Variants in GP2 observed in about 807,000 individuals in gnomAD.
The protein encoded by GP2 is glycoprotein 2.
A neutral mutation model predicts 60.8 loss-of-function variants in GP2; 58 were observed. The observed-to-expected ratio is 0.95, with a 90% CI of 0.77 to 1.19. The LOEUF (loss-of-function observed/expected upper bound fraction) is 1.19, where lower values mean the gene tolerates loss of function less well. Among genes scored for constraint, GP2 ranks in the 50% most tolerant of loss-of-function variants. GP2 has a pLI of 0.00. For synonymous variants in GP2, 280 were observed against 253.4 expected, an observed-to-expected ratio of 1.10 and a Z score of -1.00; for missense variants, 647 against 667.4, an observed-to-expected ratio of 0.97 and a Z score of 0.34.
intron 1 of GP2, chr16:20,327,216 G>T (rs1331105269): frequency 3.7e-5 from 12 of 324,248 alleles, no homozygotes; most frequent in South Asian, 3.3e-4. Context: ...TCCCAATAGA[G>T]ACCTAGTTCC....
rs1963957760 is a variant in GP2, at chr16:20,310,165, G to C, written c.*1058C>G. On this transcript the variant is annotated 3_prime_UTR_variant, in exon 11 of 11. Transcript: ENST00000302555. ...CTTCACCCATCTCCTAGGCTTTGCA[G>C]TTTCATTCCCATAGCAGGACTGGTG... The C allele has an allele frequency of 6.6e-6, 1 of 152,286 alleles. No homozygotes were observed. The highest frequency in any genetic ancestry group is 2.1e-4 in the South Asian group (1 of 4,828). The allele number at this position is 152,286 out of a possible 1,614,324, so 9.4% of individuals were successfully genotyped here. A position where few individuals can be genotyped will look rare whatever the true frequency, so the allele number is the denominator to read the frequency against.
At chr16:20,319,796 ATGTT>A in intron 5 of GP2, 28 bp from the exon 6 acceptor site, 1 of 1,587,604 alleles carries the variant, frequency 6.3e-7, no homozygotes, top group Non-Finnish European at 8.6e-7. Context: ...AACCATACAG[ATGTT>A]TATGTGTATG....
Position 20,318,198 on chromosome 16 carries a change from T to C in GP2, c.1240A>G (p.Ile414Val). Residue 414 changes from isoleucine to valine, a missense_variant, in exon 7 of 11, where the codon ATC becomes GTC. By Grantham distance (29) the Ile-to-Val change is conservative. Coordinates refer to ENST00000302555, the MANE Select transcript of GP2 (RefSeq NM_001502.4). ...ATTGCTCGTTACCTGTTTCTGATGA[T>C]GAAATACTTCACAAGGTCAGCCTTG... The part of the protein sequence containing the change: ...EDKADLVKYF[I>V]IRNSCSNQRD... The C allele has an allele frequency of 1.2e-6, 2 of 1,613,424 alleles. No individual in the cohort carries two copies. Among genetic ancestry groups the C allele is most frequent in the Non-Finnish European group, 1.7e-6 (2 of 1,179,332 alleles).
intron 4 of GP2, 41 bp downstream of exon 4, chr16:20,322,828 C>A: frequency 1.8e-6 from 2 of 1,084,772 alleles, no homozygotes; most frequent in Admixed American, 1.7e-5. Flanking sequence ...TCCTGCCCTG[C>A]CCCCTCAGGA....
At chr16:20,323,754 A>G (rs1172951292) in intron 3 of GP2, 62 bp downstream of exon 3, 5 of 1,104,944 alleles carry the variant, frequency 4.5e-6, no homozygotes, top group Non-Finnish European at 6.6e-6. Context: ...CACTCACTCT[A>G]CTGAGCCTGG....
chr16:20,324,207 G>T lies in GP2; in HGVS notation c.144C>A (p.Cys48Ter), dbSNP rs781697125. The change falls in exon 3 of 11, where the codon TGC becomes TGA. Residue 48 changes from cysteine to a stop codon, truncating the protein, a stop_gained. Coordinates refer to ENST00000302555, the MANE Select transcript of GP2 (RefSeq NM_001502.4). LOFTEE classifies it high-confidence loss of function. ...GAGCCTCTGGGGTGCCAGGAGCTCC[G>T]CAGTCCAGGTCCAGCCCATACGAAC... is the stretch of plus-strand genomic sequence containing the variant. ...EASSYGLDLD[C>*]GAPGTPEAHV... The T allele has an allele frequency of 1.2e-6, 2 of 1,613,402 alleles. No homozygotes were observed. The highest frequency in any genetic ancestry group is 1.7e-5 in the Admixed American group (1 of 60,004).
Position 20,316,035 on chromosome 16 carries a change from G to T in GP2, c.1422C>A (p.Cys474Ter). ...CTTCACTGCGGACTTGACTTCTTGA[G>T]CAAGACTGTAGGGATGATGAACTTT... is the stretch of plus-strand genomic sequence containing the variant. ...DSLNEQCQPS[C>*]SRSQVRSEVP... The change falls in exon 9 of 11, where the codon TGC (cysteine) becomes TGA (stop). Residue 474 changes from cysteine (C) to a stop codon, truncating the protein, a stop_gained. Coordinates refer to ENST00000302555, the MANE Select transcript of GP2 (RefSeq NM_001502.4). LOFTEE classifies it high-confidence loss of function. The T allele has an allele frequency of 6.2e-7, 1 of 1,605,268 alleles. No homozygotes were observed. Among genetic ancestry groups the T allele is most frequent in the Non-Finnish European group, 8.5e-7 (1 of 1,171,970 alleles).
chr16:20,313,261 GTC>G (rs60247069), intron 10 of GP2, among the ~76,000 whole-genome samples: 30 of 149,550 alleles, frequency 2.0e-4, no homozygotes, highest in South Asian at 8.5e-4. Context: ...CTGTCTCTCT[GTC>G]TCTCTCTCTC....
chr16:20,313,445 C>T (rs576757123), intron 10 of GP2, among the ~76,000 whole-genome samples: 33 of 152,116 alleles, frequency 2.2e-4, no homozygotes, highest in Non-Finnish European at 4.4e-4. Flanking sequence ...TATCTACTTG[C>T]TTGTCATTTA....
intron 5 of GP2, 123 bp downstream of exon 5, chr16:20,320,139 C>T (rs1964308448): frequency 1.4e-6 from 1 of 709,784 alleles, no homozygotes; most frequent in Non-Finnish European, 2.5e-6. Context: ...AACTTGTGCA[C>T]TCTCACACAA....
At chr16:20,324,304 C>T in intron 2 of GP2, 48 bp from the exon 3 acceptor site, 1 of 1,293,504 alleles carries the variant, frequency 7.7e-7, no homozygotes, top group Non-Finnish European at 1.1e-6. Flanking sequence ...AATGCCAGAA[C>T]CTACAGGATT....
chr16:20,314,666 T>C lies in GP2; in HGVS notation c.1537A>G (p.Ser513Gly). The C allele has an allele frequency of 6.2e-7, 1 of 1,600,992 alleles. No individual in the cohort carries two copies. Among genetic ancestry groups the C allele is most frequent in the Non-Finnish European group, 8.6e-7 (1 of 1,168,034 alleles). Residue 513 changes from serine to glycine, a missense_variant, in exon 10 of 11, where the codon AGC becomes GGC. Ser to Gly is a moderately conservative substitution (Grantham distance 56). Transcript: ENST00000302555. ...TGAGAAAATGATGTACCTGCAGTGCTAGGGGTTCCATTCATGACACCGGGA... is the reference window on the plus strand; with the variant it reads ...TGAGAAAATGATGTACCTGCAGTGCCAGGGGTTCCATTCATGACACCGGGA... ...QSPGVMNGTP[S>G]TAGFLVAWPM...
In GP2 at chr16:20,311,045, C is replaced by T; in HGVS notation, c.*178G>A. On this transcript the variant is annotated 3_prime_UTR_variant, in exon 11 of 11. Coordinates refer to ENST00000302555, the MANE Select transcript of GP2 (RefSeq NM_001502.4). ...ATGCTGGGATTACAGGCATGAGCCA[C>T]TGCGCCCAGCCGAGAGTTTTAAAGA... The T allele has an allele frequency of 2.0e-6, 1 of 511,078 alleles. No homozygotes were observed. The highest frequency in any genetic ancestry group is 3.6e-6 in the Non-Finnish European group (1 of 276,150). The allele number at this position is 511,078 out of a possible 1,614,324, so 31.7% of individuals were successfully genotyped here. A position where few individuals can be genotyped will look rare whatever the true frequency, so the allele number is the denominator to read the frequency against.
intron 3 of GP2, 103 bp downstream of exon 3, chr16:20,323,713 G>A: frequency 5.3e-6 from 4 of 751,606 alleles, no homozygotes; most frequent in Non-Finnish European, 6.5e-6. Flanking sequence ...AGGCTGCTCT[G>A]CATCCTCTCC....
In GP2 at chr16:20,319,782, A is replaced by C; in HGVS notation, c.859-14T>G. 6.2e-7 allele frequency: 1 copy of C among 1,602,560 alleles called. No homozygotes were observed. Among genetic ancestry groups the C allele is most frequent in the Non-Finnish European group, 8.5e-7 (1 of 1,169,698 alleles). On this transcript the variant is annotated splice_polypyrimidine_tract_variant and intron_variant, in intron 5 of 10. Transcript: ENST00000302555. ...GGTTTGATTTCTCTTTGGCAAAAAA[A>C]CAAAACCATACAGATGTTTATGTGT...
rs1339834786 is a variant in GP2, at chr16:20,326,371, A to G, written c.61T>C (p.Cys21Arg). 6.2e-7 allele frequency: 1 copy of G among 1,613,812 alleles called. No individual in the cohort carries two copies. The highest frequency in any genetic ancestry group is 8.5e-7 in the Non-Finnish European group (1 of 1,179,694). ...SGLLWLALVS[C>R]ILTQASAVQR... ...ACTGCAGATGCCTGGGTCAGAATGC[A>G]GGAGACCAAGGCCAGCCACAGGAGG... The change falls in exon 2 of 11, where the codon TGC becomes CGC. Residue 21 changes from cysteine to arginine, a missense_variant. Coordinates refer to ENST00000302555, the MANE Select transcript of GP2 (RefSeq NM_001502.4).
intron 1 of GP2, 172 bp downstream of exon 1, chr16:20,327,295 A>G (rs1964561497): frequency 2.8e-6 from 1 of 361,982 alleles, no homozygotes; most frequent in South Asian, 2.2e-5. Flanking sequence ...GATGACTGGA[A>G]GCATGACTGA....
intron 1 of GP2, 138 bp from the exon 2 acceptor site, chr16:20,326,605 G>A (rs1190572274): frequency 2.9e-6 from 2 of 691,082 alleles, no homozygotes; most frequent in Non-Finnish European, 4.7e-6. Context: ...GAGATAATGG[G>A]TGATAAAATT....
At chr16:20,313,859 C>T (rs1964069801) in intron 10 of GP2, among the ~76,000 whole-genome samples, 1 of 152,212 alleles carries the variant, frequency 6.6e-6, no homozygotes, top group Admixed American at 6.5e-5. Flanking sequence ...GGAGCTCTGG[C>T]TGCCATCTTG....
Sources: gnomAD v4.1 joint callset for allele counts (sites outside exome capture counted in the v4.1 genomes callset) on GRCh38, gnomAD v4.1.1 for gene constraint, MANE v1.5 for transcripts, NCBI Gene and HGNC (gene_info 2026-07-23, HGNC 2026-07-21) for gene names.